GPC5: variants seen among roughly 807,000 people sequenced by gnomAD.
GPC5 encodes the protein glypican-5.
Under a neutral mutation model 53.9 loss-of-function variants are expected in GPC5, and 47 were observed. That is an observed-to-expected ratio of 0.87 (90% CI 0.69 to 1.11). GPC5 has a LOEUF of 1.11. Ranked by LOEUF, GPC5 falls within the 50% of genes most tolerant of loss-of-function variation. GPC5 has a pLI of 0.00. For missense variants in GPC5, 748 were observed against 713.1 expected (o/e 1.05, Z -0.56); for synonymous variants, 286 against 263.3 (o/e 1.09, Z -0.84).
At chr13:91,826,888 A>C (rs1055273073) in intron 5 of GPC5, among the ~76,000 whole-genome samples, 2 of 152,044 alleles carry the variant, frequency 1.3e-5, no homozygotes, top group Non-Finnish European at 2.9e-5. Flanking sequence ...CTTAAACATA[A>C]ATACAAAATT....
chr13:92,773,414 T>C (rs983366583), intron 7 of GPC5, among the ~76,000 whole-genome samples: 97 of 152,154 alleles, frequency 6.4e-4, no homozygotes, highest in African/African-American at 2.3e-3. Context: ...ATCTATTTCC[T>C]AAACTGGAGT....
intron 7 of GPC5, among the ~76,000 whole-genome samples, chr13:92,603,758 G>T (rs999766440): frequency 6.6e-6 from 1 of 152,146 alleles, no homozygotes; most frequent in Non-Finnish European, 1.5e-5. Flanking sequence ...TTTGCCTTAC[G>T]AAGTCATTCC....
chr13:91,444,804 G>A (rs372722112), intron 1 of GPC5, among the ~76,000 whole-genome samples: 4 of 152,068 alleles, frequency 2.6e-5, no homozygotes, highest in Admixed American at 2.6e-4. Context: ...ATCATGGGTC[G>A]ATAGAACACA....
chr13:91,859,033 T>A (rs2038997247), intron 5 of GPC5, among the ~76,000 whole-genome samples: 1 of 94,008 alleles, frequency 1.1e-5, no homozygotes, highest in East Asian at 1.1e-3. Flanking sequence ...TTTATTTAGG[T>A]CTTTTTTTTT....
chr13:92,461,150 G>T (rs537704719), intron 7 of GPC5, among the ~76,000 whole-genome samples: 5 of 152,208 alleles, frequency 3.3e-5, no homozygotes, highest in Non-Finnish European at 7.4e-5. Flanking sequence ...TAAATAAGAA[G>T]TATTCCCTGT....
intron 6 of GPC5, among the ~76,000 whole-genome samples, chr13:92,074,919 T>C (rs1437790329): frequency 6.6e-6 from 1 of 152,206 alleles, no homozygotes; most frequent in Non-Finnish European, 1.5e-5. Context: ...TATTGGCACA[T>C]AGTTTCTGCA....
intron 2 of GPC5, among the ~76,000 whole-genome samples, chr13:91,532,726 C>T (rs931635276): frequency 6.6e-6 from 1 of 151,918 alleles, no homozygotes; most frequent in African/African-American, 2.4e-5. Flanking sequence ...AAATAGCCAG[C>T]ATGGTGGTGC....
chr13:92,308,517 A>G lies in GPC5; in HGVS notation c.1561+163528A>G, dbSNP rs186798698. Among the ~76,000 whole-genome samples the G allele has an allele frequency of 6.0e-3, 919 of 152,316 alleles. 8 individuals are homozygous for G. The highest frequency in any genetic ancestry group is 0.021 in the African/African-American group (880 of 41,580). On this transcript the variant is annotated intron_variant, in intron 7 of 7. Transcript: ENST00000377067. ...GACCTTGTTCTTAAGAATGCATTCC[A>G]GTTGGAGAAACGAAATGTATGTCTA...
chr13:92,007,926 G>T (rs890785801), intron 6 of GPC5, among the ~76,000 whole-genome samples: 4 of 151,854 alleles, frequency 2.6e-5, no homozygotes, highest in African/African-American at 9.7e-5. Flanking sequence ...CTATACTTCC[G>T]TTTCCACTTT....
intron 6 of GPC5, among the ~76,000 whole-genome samples, chr13:92,091,904 A>C (rs1396236431): frequency 6.6e-6 from 1 of 152,134 alleles, no homozygotes; most frequent in African/African-American, 2.4e-5. Flanking sequence ...ACAATCTTTC[A>C]TTTTCCTAAA....
intron 7 of GPC5, among the ~76,000 whole-genome samples, chr13:92,176,107 C>T (rs1007071680): frequency 3.3e-5 from 5 of 152,140 alleles, no homozygotes; most frequent in Non-Finnish European, 5.9e-5. Context: ...TCAGAATCAC[C>T]ATATATCGTG....
chr13:92,543,040 T>G (rs1222417012), intron 7 of GPC5, among the ~76,000 whole-genome samples: 1 of 152,158 alleles, frequency 6.6e-6, no homozygotes, highest in East Asian at 1.9e-4. Flanking sequence ...TTGGAAAGTT[T>G]TCAGTATTAA....
chr13:92,346,240 A>G (rs1321030759), intron 7 of GPC5, among the ~76,000 whole-genome samples: 1 of 152,164 alleles, frequency 6.6e-6, no homozygotes, highest in Admixed American at 6.5e-5. Flanking sequence ...GCCTGTCCCA[A>G]GCAGTGACTG....
chr13:91,720,276 G>A (rs931796843), intron 3 of GPC5, among the ~76,000 whole-genome samples: 11 of 152,152 alleles, frequency 7.2e-5, no homozygotes, highest in African/African-American at 2.7e-4. Context: ...ACCTGACTCT[G>A]TGCTGAAACT....
At chr13:91,778,525 G>A (rs2037747750) in intron 5 of GPC5, among the ~76,000 whole-genome samples, 1 of 152,004 alleles carries the variant, frequency 6.6e-6, no homozygotes, top group South Asian at 2.1e-4. Flanking sequence ...TTCCATCCTG[G>A]CATAACTTAT....
intron 7 of GPC5, among the ~76,000 whole-genome samples, chr13:92,858,580 T>C (rs1879081797): frequency 6.6e-6 from 1 of 152,088 alleles, no homozygotes; most frequent in African/African-American, 2.4e-5. Flanking sequence ...ATATCACATG[T>C]TCTTAGTTAA....
chr13:92,517,811 T>C (rs1398975751), intron 7 of GPC5, among the ~76,000 whole-genome samples: 1 of 152,144 alleles, frequency 6.6e-6, no homozygotes, highest in East Asian at 1.9e-4. Context: ...TCGCCAGCAA[T>C]GGAACAAAGC....
At chr13:92,762,936 G>T (rs996094051) in intron 7 of GPC5, among the ~76,000 whole-genome samples, 1 of 150,968 alleles carries the variant, frequency 6.6e-6, no homozygotes, top group Non-Finnish European at 1.5e-5. Context: ...GAATTCTTTA[G>T]CCCCAAGATT....
chr13:92,681,851 G>A (rs1025026941), intron 7 of GPC5, among the ~76,000 whole-genome samples: 2 of 152,112 alleles, frequency 1.3e-5, no homozygotes, highest in African/African-American at 4.8e-5. Flanking sequence ...CTTTGTGGTG[G>A]AATTCAGTCT....
Sources: gnomAD v4.1 joint callset for allele counts (sites outside exome capture counted in the v4.1 genomes callset) on GRCh38, gnomAD v4.1.1 for gene constraint, MANE v1.5 for transcripts, NCBI Gene and HGNC (gene_info 2026-07-23, HGNC 2026-07-21) for gene names.